Variants in DNER observed in about 807,000 individuals in gnomAD.
DNER encodes delta/notch like EGF repeat containing.
A neutral mutation model predicts 78.2 loss-of-function variants in DNER; 33 were observed. The ratio of observed to expected loss-of-function variants is 0.42; its 90% CI spans 0.32 to 0.56. The LOEUF (loss-of-function observed/expected upper bound fraction) is 0.56, where lower values mean the gene tolerates loss of function less well. Ranked by LOEUF, DNER falls within the 20% of genes least tolerant of loss-of-function variation. DNER has a pLI of 0.11. For synonymous variants in DNER, 417 were observed against 384.8 expected (o/e 1.08, Z -0.98); for missense variants, 918 against 975.3 (o/e 0.94, Z 0.78).
chr2:229,672,506 G>A (rs1699226839), intron 1 of DNER, among the ~76,000 whole-genome samples: 3 of 151,542 alleles, frequency 2.0e-5, no homozygotes, highest in South Asian at 2.1e-4. Context: ...AGGCAGGAAA[G>A]GGGAGAGAGG....
intron 4 of DNER, 139 bp downstream of exon 4, chr2:229,585,719 C>T: frequency 2.3e-6 from 2 of 863,744 alleles, no homozygotes; most frequent in Non-Finnish European, 3.5e-6. Flanking sequence ...TATTCTAAAA[C>T]CTTACCAAAG....
chr2:229,567,921 G>C (rs1697142935), intron 4 of DNER, among the ~76,000 whole-genome samples: 1 of 152,118 alleles, frequency 6.6e-6, no homozygotes, highest in East Asian at 1.9e-4. Context: ...TTCTGTAATA[G>C]TCAATGCAGC....
intron 1 of DNER, among the ~76,000 whole-genome samples, chr2:229,642,297 G>A (rs74676729): frequency 0.017 from 2,607 of 152,016 alleles, 67 homozygotes; most frequent in African/African-American, 0.06. Context: ...ATTTTTACCC[G>A]AGAAACAATT....
chr2:229,425,901 G>A (rs920825681), intron 8 of DNER, among the ~76,000 whole-genome samples: 1 of 152,150 alleles, frequency 6.6e-6, no homozygotes, highest in Non-Finnish European at 1.5e-5. Flanking sequence ...CACTCCCCTC[G>A]TACAGACTGA....
chr2:229,360,935 A>G (rs1692195478), intron 12 of DNER, among the ~76,000 whole-genome samples: 1 of 152,228 alleles, frequency 6.6e-6, no homozygotes, highest in Non-Finnish European at 1.5e-5. Flanking sequence ...CAGCACCAGA[A>G]GAGAGAGCAG....
In DNER at chr2:229,492,568, A is replaced by G. The variant is rs535241732; in HGVS notation, c.1148-15315T>C. On this transcript the variant is annotated intron_variant, in intron 6 of 12. Transcript: ENST00000341772. ...TTCCCCCATGAGCTTTGTGACCTTG[A>G]TCAAGTCCCACAGCCTTATGGAGTC... Among the ~76,000 whole-genome samples, 4 of 152,300 alleles carry G rather than the reference A, an allele frequency of 2.6e-5. No individual in the cohort carries two copies. In the South Asian group the frequency reaches 8.3e-4, roughly 32 times the overall value.
At chr2:229,369,801 G>T (rs1376375319) in intron 11 of DNER, among the ~76,000 whole-genome samples, 1 of 152,160 alleles carries the variant, frequency 6.6e-6, no homozygotes, top group Admixed American at 6.5e-5. Flanking sequence ...GCGTATACAA[G>T]ATTTGAAAAG....
intron 4 of DNER, among the ~76,000 whole-genome samples, chr2:229,584,395 G>T (rs1697459153): frequency 6.6e-6 from 1 of 152,178 alleles, no homozygotes; most frequent in Non-Finnish European, 1.5e-5. Context: ...CTAAACTTGA[G>T]CTCAGGCCTT....
intron 7 of DNER, among the ~76,000 whole-genome samples, chr2:229,460,905 C>T (rs1694685133): frequency 6.6e-6 from 1 of 152,052 alleles, no homozygotes; most frequent in East Asian, 1.9e-4. Flanking sequence ...TGTAAGTGAT[C>T]CCAAACTCAG....
At chr2:229,681,525 G>C (rs1399807848) in intron 1 of DNER, among the ~76,000 whole-genome samples, 2 of 151,994 alleles carry the variant, frequency 1.3e-5, no homozygotes, top group African/African-American at 4.8e-5. Context: ...TCACAAAATA[G>C]TTTCATTTAA....
chr2:229,486,176 A>G (rs546366757), intron 6 of DNER, among the ~76,000 whole-genome samples: 1 of 152,326 alleles, frequency 6.6e-6, no homozygotes, highest in Admixed American at 6.5e-5. Flanking sequence ...TCTCAGAGGC[A>G]TCCTATTTTA....
intron 1 of DNER, among the ~76,000 whole-genome samples, chr2:229,689,669 T>C (rs1699536687): frequency 6.6e-6 from 1 of 151,328 alleles, no homozygotes; most frequent in South Asian, 2.1e-4. Flanking sequence ...TGCTGGGGAG[T>C]GGGGAGGGGC....
Position 229,367,017 on chromosome 2 carries a change from A to G in DNER, c.1958T>C (p.Met653Thr). ...IGALCVAFIL[M>T]LIILIVGICR... is the part of the protein sequence containing the mutation. ...AATCCCCACGATCAGGATGATCAGC[A>G]TAAGGATGAAGGCCACGCAGAGGGC... Residue 653 changes from methionine (M) to threonine (T), a missense_variant, in exon 12 of 13, where the codon ATG becomes ACG. Physicochemically the swap from Met to Thr is moderately conservative, Grantham distance 81. Transcript: ENST00000341772. 2 of 1,614,122 alleles carry G rather than the reference A, an allele frequency of 1.2e-6. No individual in the cohort carries two copies. The highest frequency in any genetic ancestry group is 1.1e-5 in the South Asian group (1 of 91,070).
Position 229,591,870 on chromosome 2 carries a change from C to A in DNER, c.295G>T (p.Ala99Ser). 1 of 1,594,346 alleles carries A rather than the reference C, an allele frequency of 6.3e-7. No individual in the cohort carries two copies. The highest frequency in any genetic ancestry group is 8.5e-7 in the Non-Finnish European group (1 of 1,170,786). The change falls in exon 2 of 13, where the codon GCC becomes TCC. Residue 99 changes from alanine to serine, a missense_variant. Ala to Ser is a moderately conservative substitution (Grantham distance 99). Coordinates refer to ENST00000341772, the MANE Select transcript of DNER (RefSeq NM_139072.4). This position sits in a 1 kb window ranked among gnomAD's most constrained non-coding sequence, Gnocchi z 4.6. ...TTGCCATGGTGACAAGGGTTGCTGG[C>A]ACAAGGATCTGCAACAAGCTGAAAC... ...ANCQLVADPC[A>S]SNPCHHGNCS...
chr2:229,563,063 T>G (rs559638499), intron 4 of DNER, among the ~76,000 whole-genome samples: 1 of 143,164 alleles, frequency 7.0e-6, no homozygotes, highest in South Asian at 2.4e-4. Context: ...ATCAACATCA[T>G]CCTCCTCACC....
intron 5 of DNER, among the ~76,000 whole-genome samples, chr2:229,540,543 A>G (rs1476363904): frequency 1.3e-5 from 2 of 152,246 alleles, no homozygotes; most frequent in African/African-American, 4.8e-5. Flanking sequence ...CACATGGGCT[A>G]TAGAACAAGG....
intron 1 of DNER, among the ~76,000 whole-genome samples, chr2:229,596,981 A>G (rs1167161879): frequency 2.6e-5 from 4 of 151,994 alleles, no homozygotes; most frequent in Non-Finnish European, 5.9e-5. Flanking sequence ...ACACCTGCGC[A>G]CACACATGCA....
At chr2:229,465,549 C>T (rs1167422411) in intron 7 of DNER, among the ~76,000 whole-genome samples, 3 of 152,040 alleles carry the variant, frequency 2.0e-5, no homozygotes, top group Non-Finnish European at 2.9e-5. Context: ...AACAAACCCA[C>T]ACATCCTACA....
chr2:229,460,273 G>A (rs1694668097), intron 7 of DNER, among the ~76,000 whole-genome samples: 1 of 150,786 alleles, frequency 6.6e-6, no homozygotes, highest in African/African-American at 2.4e-5. Flanking sequence ...CAAATTAAGA[G>A]CCAAGATGTT....
Sources: allele counts gnomAD v4.1 joint callset (sites outside exome capture counted in the v4.1 genomes callset), GRCh38; gene constraint gnomAD v4.1.1; non-coding constraint Gnocchi (gnomAD v3.1); transcripts MANE v1.5; gene names NCBI Gene and HGNC (gene_info 2026-07-23, HGNC 2026-07-21).